The following KCNC1 variants were observed in gnomAD, a reference collection of about 807,000 sequenced individuals.
The protein encoded by KCNC1 is potassium voltage-gated channel subfamily C member 1.
In KCNC1, 8 loss-of-function variants were observed where a neutral mutation model predicts 43.4. The observed-to-expected ratio is 0.18, with a 90% CI of 0.11 to 0.33. KCNC1 has a LOEUF of 0.33. Among genes scored for constraint, KCNC1 ranks in the 10% least tolerant of loss-of-function variants. KCNC1 has a pLI of 1.00. For missense variants in KCNC1, 420 were observed against 836.0 expected, an observed-to-expected ratio of 0.50 and a Z score of 6.14; for synonymous variants, 361 against 360.5, an observed-to-expected ratio of 1.00 and a Z score of -0.01.
intron 2 of KCNC1, chr11:17,774,729 G>A: frequency 1.0e-6 from 1 of 985,466 alleles, no homozygotes; most frequent in Non-Finnish European, 1.2e-6. Flanking sequence ...GGCTGAGGAA[G>A]TATTTGGGGC....
In KCNC1 at chr11:17,776,806, C is replaced by G. The variant is rs886166096; in HGVS notation, c.1505-2650C>G. The G allele has an allele frequency of 1.0e-6, 1 of 985,244 alleles. No homozygotes were observed. The highest frequency in any genetic ancestry group is 1.2e-6 in the Non-Finnish European group (1 of 830,020). 61.0% of individuals were successfully genotyped at this position (985,244 alleles called of 1,614,324 possible). A position where few individuals can be genotyped will look rare whatever the true frequency, so the allele number is the denominator to read the frequency against. ...CCCCAGATTTATACAGTTGGCCCCTCGTTGGTTTCTCTTTCTTCAAGCCAC... is the reference window on the plus strand; with the variant it reads ...CCCCAGATTTATACAGTTGGCCCCTGGTTGGTTTCTCTTTCTTCAAGCCAC... On this transcript the variant is annotated intron_variant, in intron 2 of 3. Transcript: ENST00000265969. This position sits in a 1 kb window ranked among gnomAD's most constrained non-coding sequence, Gnocchi z 4.4.
intron 1 of KCNC1, among the ~76,000 whole-genome samples, chr11:17,751,170 A>G (rs555558752): frequency 6.6e-6 from 1 of 152,356 alleles, no homozygotes; most frequent in East Asian, 1.9e-4. Flanking sequence ...CTTCTTTTGA[A>G]AATAAATCAA....
At chr11:17,765,603 C>T (rs1219238307) in intron 1 of KCNC1, among the ~76,000 whole-genome samples, 2 of 152,196 alleles carry the variant, frequency 1.3e-5, no homozygotes, top group Non-Finnish European at 2.9e-5. Flanking sequence ...TGGTGGGTCT[C>T]TCACGGTTTG....
At chr11:17,738,419 C>G (rs969984360) in intron 1 of KCNC1, among the ~76,000 whole-genome samples, 8 of 152,160 alleles carry the variant, frequency 5.3e-5, no homozygotes, top group Admixed American at 1.3e-4. Context: ...GCCCATTCAG[C>G]CCACACTTGA....
At chr11:17,764,035 CCACA>C (rs1189328575) in intron 1 of KCNC1, among the ~76,000 whole-genome samples, 2 of 136,822 alleles carry the variant, frequency 1.5e-5, no homozygotes, top group Non-Finnish European at 3.2e-5. Flanking sequence ...ATATACACGC[CCACA>C]CACACACATA....
intron 2 of KCNC1, chr11:17,772,941 C>T (rs1849247830): frequency 8.5e-7 from 1 of 1,178,688 alleles, no homozygotes; most frequent in Non-Finnish European, 1.1e-6. Flanking sequence ...CGGTGTGAGT[C>T]TCTGACTCAG....
In KCNC1 at chr11:17,781,861, C is replaced by A; in HGVS notation, c.*127C>A. On this transcript the variant is annotated 3_prime_UTR_variant, in exon 4 of 4. Transcript: ENST00000265969. The surrounding 1 kb of genome is among the most constrained non-coding windows in gnomAD (Gnocchi z 5.1). Reference sequence around the variant, plus strand: ...GCCGGACGAGTCCGAGTGGCCCAGGCATTGTACTAGGACGGACGTAGCTTT... The same window carrying A: ...GCCGGACGAGTCCGAGTGGCCCAGGAATTGTACTAGGACGGACGTAGCTTT... 1 of 669,834 alleles carries A rather than the reference C, an allele frequency of 1.5e-6. No individual in the cohort carries two copies. The allele number at this position is 669,834 out of a possible 1,614,324, so 41.5% of individuals were successfully genotyped here. A position where few individuals can be genotyped will look rare whatever the true frequency, so the allele number is the denominator to read the frequency against.
chr11:17,779,694 TC>T lies in KCNC1; in HGVS notation c.1693+52del. The T allele has an allele frequency of 2.2e-6, 3 of 1,374,464 alleles. No individual in the cohort carries two copies. The highest frequency in any genetic ancestry group is 2.9e-6 in the Non-Finnish European group (3 of 1,049,708). The allele number at this position is 1,374,464 out of a possible 1,614,324, so 85.1% of individuals were successfully genotyped here. On this transcript the variant is annotated intron_variant, in intron 3 of 3. Coordinates refer to ENST00000265969, the MANE Select transcript of KCNC1 (RefSeq NM_001112741.2). This position sits in a 1 kb window ranked among gnomAD's most constrained non-coding sequence, Gnocchi z 7.2. The stretch of plus-strand genomic sequence containing the variant: ...GTGCATCGTCCGGGCCGCCTCGCGC[TC>T]CTGCAGATGGGTGGGCAGGGCGGCG...
chr11:17,751,304 A>G (rs1590097024), intron 1 of KCNC1, among the ~76,000 whole-genome samples: 2 of 152,332 alleles, frequency 1.3e-5, no homozygotes, highest in Middle Eastern at 6.8e-3. Context: ...AATGGATAAA[A>G]AGACGGATAT....
chr11:17,749,888 G>A (rs1217741452), intron 1 of KCNC1, among the ~76,000 whole-genome samples: 1 of 152,246 alleles, frequency 6.6e-6, no homozygotes, highest in Non-Finnish European at 1.5e-5. Flanking sequence ...GCTTCTCAGC[G>A]GTGTTAGGAG....
At chr11:17,762,509 C>A (rs1260772668) in intron 1 of KCNC1, among the ~76,000 whole-genome samples, 1 of 152,226 alleles carries the variant, frequency 6.6e-6, no homozygotes, top group East Asian at 1.9e-4. Context: ...AGTGACTTGA[C>A]CACAGTCACC....
chr11:17,734,869 G>A lies in KCNC1; in HGVS notation c.-1134G>A, dbSNP rs866749879. 2.5e-3 allele frequency: 369 copies of A among 149,822 alleles called. 4 individuals are homozygous for A. Among genetic ancestry groups the A allele is most frequent in the Middle Eastern group, 6.8e-3 (2 of 292 alleles). The allele number at this position is 149,822 out of a possible 1,614,324, so 9.3% of individuals were successfully genotyped here. On this transcript the variant is annotated 5_prime_UTR_variant, in exon 1 of 4. Transcript: ENST00000265969. ...CGTCGCGGCGGCGGCGGCAGCGGCC[G>A]CTCCGCGCCTCGCCTCACCGGCCTC... is the stretch of plus-strand genomic sequence containing the variant.
chr11:17,774,991 C>A (rs72868380), intron 2 of KCNC1: 116,827 of 985,130 alleles, frequency 0.12, 7,763 homozygotes, highest in African/African-American at 0.26. Context: ...CCCACCTCTG[C>A]ACCCCAGAGT....
intron 1 of KCNC1, among the ~76,000 whole-genome samples, chr11:17,756,550 C>T (rs904140286): frequency 7.9e-5 from 12 of 151,384 alleles, no homozygotes; most frequent in Non-Finnish European, 1.8e-4. Flanking sequence ...CACACACACA[C>T]ACACACACGC....
chr11:17,748,651 AAG>A (rs1380098508), intron 1 of KCNC1, among the ~76,000 whole-genome samples: 1 of 152,172 alleles, frequency 6.6e-6, no homozygotes, highest in Non-Finnish European at 1.5e-5. Context: ...CATGCAAAGA[AAG>A]AGTCGAGCTA....
rs749447979 is a variant in KCNC1, at chr11:17,736,408, G to A, written c.406G>A (p.Ala136Thr). Residue 136 changes from alanine (A) to threonine (T), a missense_variant, in exon 1 of 4, where the codon GCC (alanine) becomes ACC (threonine). By Grantham distance (58) the Ala-to-Thr change is moderately conservative. This residue lies in a region of KCNC1 where 151 missense variants were observed against 216.7 expected (regional missense o/e 0.70). Coordinates refer to ENST00000265969, the MANE Select transcript of KCNC1 (RefSeq NM_001112741.2). The surrounding 1 kb of genome is among the most constrained non-coding windows in gnomAD (Gnocchi z 9.3). ...PLDNSADDAD[A>T]DGPGDSGDGE... Reference sequence around the variant, plus strand: ...GGACAACAGCGCCGACGACGCGGACGCCGACGGCCCTGGCGACTCGGGCGA... The same window carrying A: ...GGACAACAGCGCCGACGACGCGGACACCGACGGCCCTGGCGACTCGGGCGA... 1 of 1,608,962 alleles carries A rather than the reference G, an allele frequency of 6.2e-7. No individual in the cohort carries two copies. Among genetic ancestry groups the A allele is most frequent in the Non-Finnish European group, 8.5e-7 (1 of 1,178,466 alleles).
In KCNC1 at chr11:17,777,450, G is replaced by C. The variant is rs1049718457; in HGVS notation, c.1505-2006G>C. On this transcript the variant is annotated intron_variant, in intron 2 of 3. Coordinates refer to ENST00000265969, the MANE Select transcript of KCNC1 (RefSeq NM_001112741.2). The surrounding 1 kb of genome is among the most constrained non-coding windows in gnomAD (Gnocchi z 4.3). Reference sequence around the variant, plus strand: ...CCTCAACCCCCACATCGTCATCCGCGTCCTCTCCATACTGTTTCCCTCCCC... The same window carrying C: ...CCTCAACCCCCACATCGTCATCCGCCTCCTCTCCATACTGTTTCCCTCCCC... 1.0e-6 allele frequency: 1 copy of C among 985,732 alleles called. No homozygotes were observed. Among genetic ancestry groups the C allele is most frequent in the Non-Finnish European group, 1.2e-6 (1 of 829,992 alleles). The allele number at this position is 985,732 out of a possible 1,614,324, so 61.1% of individuals were successfully genotyped here.
chr11:17,773,423 A>G lies in KCNC1; in HGVS notation c.1504+825A>G, dbSNP rs1218937994. 1 of 985,248 alleles carries G rather than the reference A, an allele frequency of 1.0e-6. No individual in the cohort carries two copies. The highest frequency in any genetic ancestry group is 1.2e-6 in the Non-Finnish European group (1 of 829,942). 61.0% of individuals were successfully genotyped at this position (985,248 alleles called of 1,614,324 possible). A position where few individuals can be genotyped will look rare whatever the true frequency, so the allele number is the denominator to read the frequency against. ...ACTAGAGGGGGCCACCACCCTGGGC[A>G]GCTTAGATGAAAGCGCTACAGACCA... is the stretch of plus-strand genomic sequence containing the variant. On this transcript the variant is annotated intron_variant, in intron 2 of 3. Coordinates refer to ENST00000265969, the MANE Select transcript of KCNC1 (RefSeq NM_001112741.2). This position sits in a 1 kb window ranked among gnomAD's most constrained non-coding sequence, Gnocchi z 4.1.
intron 1 of KCNC1, among the ~76,000 whole-genome samples, chr11:17,770,129 A>AC (rs1242871011): frequency 2.6e-5 from 4 of 152,010 alleles, no homozygotes; most frequent in East Asian, 1.9e-4. Flanking sequence ...CTTCCAGGGC[A>AC]CCCCCTGGGT....
Sources: gnomAD v4.1 joint callset for allele counts (sites outside exome capture counted in the v4.1 genomes callset) on GRCh38, gnomAD v4.1.1 for gene constraint, gnomAD v4.1.1 regional missense constraint, Gnocchi (gnomAD v3.1) non-coding constraint, MANE v1.5 for transcripts, NCBI Gene and HGNC (gene_info 2026-07-23, HGNC 2026-07-21) for gene names.